Variants in DGKG observed in about 807,000 individuals in gnomAD.
The protein encoded by DGKG is DAG kinase gamma.
A neutral mutation model predicts 105.3 loss-of-function variants in DGKG; 78 were observed. The observed-to-expected ratio is 0.74, with a 90% CI of 0.62 to 0.89. The LOEUF is 0.89. Among genes scored for constraint, DGKG ranks in the 40% least tolerant of loss-of-function variants. The pLI, the probability that DGKG is intolerant of heterozygous loss-of-function variation, is 0.00. For synonymous variants in DGKG, 346 were observed against 367.1 expected (o/e 0.94, Z 0.66); for missense variants, 958 against 1,020.1 (o/e 0.94, Z 0.83).
At chr3:186,299,490 T>C (rs1386044871) in intron 3 of DGKG, among the ~76,000 whole-genome samples, 3 of 152,172 alleles carry the variant, frequency 2.0e-5, no homozygotes, top group Non-Finnish European at 4.4e-5. Context: ...CTTTGCAGAG[T>C]GAAGGAAGTC....
intron 1 of DGKG, among the ~76,000 whole-genome samples, chr3:186,348,838 A>T (rs1014197631): frequency 1.3e-5 from 2 of 151,958 alleles, no homozygotes; most frequent in Non-Finnish European, 2.9e-5. Flanking sequence ...ACACTTGCTT[A>T]TTTTTTCTCT....
rs1397053129 is a variant in DGKG, at chr3:186,361,900, C to G, written c.-249+46G>C. 6.6e-6 allele frequency: 1 copy of G among 152,434 alleles called. No individual in the cohort carries two copies. The highest frequency in any genetic ancestry group is 1.5e-5 in the Non-Finnish European group (1 of 68,224). The allele number at this position is 152,434 out of a possible 1,614,324, so 9.4% of individuals were successfully genotyped here. On this transcript the variant is annotated intron_variant, in intron 1 of 24. Coordinates refer to ENST00000265022, the MANE Select transcript of DGKG (RefSeq NM_001346.3). The surrounding 1 kb of genome is among the most constrained non-coding windows in gnomAD (Gnocchi z 6.8). The stretch of plus-strand genomic sequence containing the variant: ...CTTTACCAAGTTGCTGCACCGGGTG[C>G]TCCCTGAGCCGGGGACCCCCTCCGC...
chr3:186,245,637 C>T (rs1720902922), intron 19 of DGKG, among the ~76,000 whole-genome samples: 1 of 152,210 alleles, frequency 6.6e-6, no homozygotes, highest in African/African-American at 2.4e-5. Context: ...TTCTCACAGC[C>T]TTACTCTCTG....
intron 1 of DGKG, among the ~76,000 whole-genome samples, chr3:186,356,441 G>A (rs1726966739): frequency 1.3e-5 from 2 of 152,164 alleles, no homozygotes; most frequent in Non-Finnish European, 2.9e-5. Context: ...TCGGGTGAAG[G>A]CGAGCAGGTG....
rs1225938818 is a variant in DGKG at position 186,226,822 on chromosome 3, G to T, written c.1827-14937C>A. Among the ~76,000 whole-genome samples, 6 of 152,152 alleles carry T rather than the reference G, an allele frequency of 3.9e-5. No homozygotes were observed. Among genetic ancestry groups the T allele is most frequent in the African/African-American group, 1.4e-4 (6 of 41,432 alleles). On this transcript the variant is annotated intron_variant, in intron 20 of 24. Coordinates refer to ENST00000265022, the MANE Select transcript of DGKG (RefSeq NM_001346.3). This position sits in a 1 kb window ranked among gnomAD's most constrained non-coding sequence, Gnocchi z 4.2. ...GTGAAGAATTTCAATCTAAGTGTAG[G>T]TTCAATAAACATGAATATTCAGCAA...
intron 4 of DGKG, 24 bp downstream of exon 4, chr3:186,298,040 C>A (rs534220006): frequency 6.3e-7 from 1 of 1,589,126 alleles, no homozygotes; most frequent in East Asian, 2.2e-5. Context: ...AAGGTCTTCC[C>A]ATCTTGGGGA....
intron 3 of DGKG, among the ~76,000 whole-genome samples, chr3:186,301,382 C>T (rs1029188940): frequency 3.9e-5 from 6 of 152,226 alleles, no homozygotes; most frequent in Admixed American, 3.9e-4. Flanking sequence ...AATCCCAGCT[C>T]TTTGGGAGGC....
At chr3:186,199,498 A>T (rs116541491) in intron 21 of DGKG, among the ~76,000 whole-genome samples, 1 of 152,014 alleles carries the variant, frequency 6.6e-6, no homozygotes, top group African/African-American at 2.4e-5. Context: ...ACAACCCTAC[A>T]ATGTCAGTAT....
intron 7 of DGKG, among the ~76,000 whole-genome samples, chr3:186,281,633 TA>T (rs1242842373): frequency 6.6e-6 from 1 of 152,174 alleles, no homozygotes; most frequent in African/African-American, 2.4e-5. Context: ...GTATTTTATT[TA>T]AGTTAAAAAA....
intron 2 of DGKG, among the ~76,000 whole-genome samples, chr3:186,314,753 C>CAAA (rs1161706511): frequency 1.6e-5 from 1 of 62,582 alleles, no homozygotes; most frequent in Non-Finnish European, 3.6e-5. Flanking sequence ...GACTCCGTCT[C>CAAA]AAAAAAAAAA....
Position 186,308,251 on chromosome 3 carries a change from G to A in DGKG, c.68-1274C>T, listed in dbSNP as rs373047236. Among the ~76,000 whole-genome samples, 14 of 152,240 alleles carry A rather than the reference G, an allele frequency of 9.2e-5. No homozygotes were observed. The East Asian group carries it at 1.5e-3, about 17-fold the overall frequency. ...CTTTTTGGAATTTTATAAAGGAATTGGGAATCCAGAAAAGAGACTCAATAA... is the reference window on the plus strand; with the variant it reads ...CTTTTTGGAATTTTATAAAGGAATTAGGAATCCAGAAAAGAGACTCAATAA... On this transcript the variant is annotated intron_variant, in intron 2 of 24. Coordinates refer to ENST00000265022, the MANE Select transcript of DGKG (RefSeq NM_001346.3).
intron 22 of DGKG, among the ~76,000 whole-genome samples, chr3:186,186,213 A>T (rs1306882474): frequency 6.6e-6 from 1 of 152,146 alleles, no homozygotes; most frequent in Non-Finnish European, 1.5e-5. Flanking sequence ...CTGATTGTCA[A>T]ATAGACGGGT....
Position 186,252,967 on chromosome 3 carries a change from T to C in DGKG, c.1600+126A>G. 5.2e-6 allele frequency: 4 copies of C among 767,930 alleles called. No homozygotes were observed. In the South Asian group the frequency reaches 6.4e-5, roughly 12 times the overall value. 47.6% of individuals were successfully genotyped at this position (767,930 alleles called of 1,614,324 possible). ...GAAAGGGTCATGGACTTGACATGACTGCAGAGTTGAGTATTATGCTGCGGA... is the reference window on the plus strand; with the variant it reads ...GAAAGGGTCATGGACTTGACATGACCGCAGAGTTGAGTATTATGCTGCGGA... On this transcript the variant is annotated intron_variant, in intron 18 of 24. Coordinates refer to ENST00000265022, the MANE Select transcript of DGKG (RefSeq NM_001346.3).
At chr3:186,278,431 G>A (rs561337039) in intron 9 of DGKG, among the ~76,000 whole-genome samples, 10 of 152,240 alleles carry the variant, frequency 6.6e-5, no homozygotes, top group Middle Eastern at 6.8e-3. Flanking sequence ...GGTGAGAGGC[G>A]TGATGTGAGC....
intron 2 of DGKG, among the ~76,000 whole-genome samples, chr3:186,311,132 C>G (rs949950920): frequency 2.6e-5 from 4 of 152,162 alleles, no homozygotes; most frequent in Non-Finnish European, 2.9e-5. Context: ...TAACCCAGGT[C>G]TTACCCCAGG....
chr3:186,266,822 C>G (rs1488054030), intron 13 of DGKG, among the ~76,000 whole-genome samples: 2 of 152,152 alleles, frequency 1.3e-5, no homozygotes, highest in Non-Finnish European at 2.9e-5. Flanking sequence ...ATCTAAAACT[C>G]CTGACCTCAG....
chr3:186,240,458 G>GAATC (rs1720629900), intron 20 of DGKG, among the ~76,000 whole-genome samples: 1 of 152,300 alleles, frequency 6.6e-6, no homozygotes, highest in East Asian at 1.9e-4. Context: ...ATGAATGAAT[G>GAATC]AACAGAGCCC....
chr3:186,301,980 C>T (rs1560143153), intron 3 of DGKG, among the ~76,000 whole-genome samples: 3 of 152,166 alleles, frequency 2.0e-5, no homozygotes, highest in Admixed American at 1.3e-4. Context: ...GAGCAACCCT[C>T]CATGCACTCT....
chr3:186,158,943 T>A (rs1716160365), intron 24 of DGKG: 4 of 537,884 alleles, frequency 7.4e-6, no homozygotes, highest in Non-Finnish European at 9.5e-6. Context: ...TTAACATTAC[T>A]ATGTCTTCCT....
Sources: allele counts gnomAD v4.1 joint callset (sites outside exome capture counted in the v4.1 genomes callset), GRCh38; gene constraint gnomAD v4.1.1; non-coding constraint Gnocchi (gnomAD v3.1); transcripts MANE v1.5; gene names NCBI Gene and HGNC (gene_info 2026-07-23, HGNC 2026-07-21).